Variants in TAGAP observed in about 807,000 individuals in gnomAD.
The protein encoded by TAGAP is T-cell activation Rho GTPase-activating protein.
Under a neutral mutation model 36.0 loss-of-function variants are expected in TAGAP, and 16 were observed. The ratio of observed to expected loss-of-function variants is 0.44; its 90% CI spans 0.30 to 0.68. The LOEUF (loss-of-function observed/expected upper bound fraction) is 0.68. Among genes scored for constraint, TAGAP ranks in the 30% least tolerant of loss-of-function variants. The pLI, the probability that TAGAP is intolerant of heterozygous loss-of-function variation, is 0.09. For synonymous variants in TAGAP, 372 were observed against 377.4 expected, an observed-to-expected ratio of 0.99 and a Z score of 0.17; for missense variants, 794 against 921.5, an observed-to-expected ratio of 0.86 and a Z score of 1.79.
chr6:159,040,430 A>G (rs1270311916), intron 7 of TAGAP, among the ~76,000 whole-genome samples: 2 of 152,150 alleles, frequency 1.3e-5, no homozygotes, highest in Non-Finnish European at 2.9e-5. Flanking sequence ...ATTTTATCTC[A>G]TACCTTTTTG....
chr6:159,041,268 G>A lies in TAGAP; in HGVS notation c.477+86C>T. 1 of 1,513,650 alleles carries A rather than the reference G, an allele frequency of 6.6e-7. No homozygotes were observed. The highest frequency in any genetic ancestry group is 2.0e-5 in the Admixed American group (1 of 51,156). The allele number at this position is 1,513,650 out of a possible 1,614,324, so 93.8% of individuals were successfully genotyped here. ...CAAGATCAGTGTACCTTGCTGTGTG[G>A]GGAGAAGAGCCTATTTCTTGCATCC... On this transcript the variant is annotated intron_variant, in intron 6 of 9. Transcript: ENST00000367066. The surrounding 1 kb of genome is among the most constrained non-coding windows in gnomAD (Gnocchi z 4.1).
intron 7 of TAGAP, among the ~76,000 whole-genome samples, chr6:159,040,488 T>C (rs1413123158): frequency 6.6e-6 from 1 of 152,228 alleles, no homozygotes; most frequent in African/African-American, 2.4e-5. Flanking sequence ...TTTGTGAGGA[T>C]TGAAGTTCGC....
intron 4 of TAGAP, chr6:159,043,076 A>G (rs1315223731): frequency 1.3e-5 from 2 of 154,092 alleles, no homozygotes; most frequent in Admixed American, 6.4e-5. Context: ...GTTTCTATAC[A>G]TTTCAGATTG....
At position 159,043,591 on chromosome 6, in the gene TAGAP, A is replaced by G. The variant is rs1412715729; in HGVS notation, c.146T>C (p.Ile49Thr). ...ATCGGTATGTTTTTAAAACTCACCA[A>G]TGAGCTGGCAAATACTGTCTTCACT... ...CESEDSICQL[I>T]EVKKRKKVLS... The change falls in exon 4 of 10, where the codon ATT (isoleucine) becomes ACT (threonine). Residue 49 changes from isoleucine to threonine, a missense_variant and splice_region_variant. Transcript: ENST00000367066. 5.6e-6 allele frequency: 9 copies of G among 1,613,960 alleles called. No individual in the cohort carries two copies. The highest frequency in any genetic ancestry group is 7.6e-6 in the Non-Finnish European group (9 of 1,179,922).
rs1779756343 is a variant in TAGAP at position 159,041,642 on chromosome 6, AC to A, written c.316-128del. 9.1e-7 allele frequency: 1 copy of A among 1,098,530 alleles called. No individual in the cohort carries two copies. The allele number at this position is 1,098,530 out of a possible 1,614,324, so 68.0% of individuals were successfully genotyped here. ...CAGTTGCTGTCAATGGCCTTCCTCA[AC>A]CCTGCTATTTTTCTAAGAGGAGGCA... is the stretch of plus-strand genomic sequence containing the variant. On this transcript the variant is annotated intron_variant, in intron 5 of 9. Coordinates refer to ENST00000367066, the MANE Select transcript of TAGAP (RefSeq NM_054114.5). This position sits in a 1 kb window ranked among gnomAD's most constrained non-coding sequence, Gnocchi z 4.1.
chr6:159,036,549 T>C lies in TAGAP; in HGVS notation c.1474A>G (p.Thr492Ala). The C allele has an allele frequency of 6.2e-7, 1 of 1,614,162 alleles. No individual in the cohort carries two copies. The highest frequency in any genetic ancestry group is 8.5e-7 in the Non-Finnish European group (1 of 1,180,024). ...GGCTTGCCTTTCTCTGTCTTTGTGGTGAAAGACTGATGTCTGCTGAAGAAA... is the reference window on the plus strand; with the variant it reads ...GGCTTGCCTTTCTCTGTCTTTGTGGCGAAAGACTGATGTCTGCTGAAGAAA... ...RNFFSRHQSF[T>A]TKTEKGKPSR... The change falls in exon 10 of 10, where the codon ACC becomes GCC. Residue 492 changes from threonine to alanine, a missense_variant. Transcript: ENST00000367066. This position sits in a 1 kb window ranked among gnomAD's most constrained non-coding sequence, Gnocchi z 4.9.
At chr6:159,044,464 C>T (rs1022298104) in intron 1 of TAGAP, among the ~76,000 whole-genome samples, 27 of 152,248 alleles carry the variant, frequency 1.8e-4, no homozygotes, top group African/African-American at 6.5e-4. Flanking sequence ...ACTATCTTTA[C>T]CACTCTAAAC....
chr6:159,043,527 G>C, intron 4 of TAGAP, 62 bp downstream of exon 4: 1 of 1,520,270 alleles, frequency 6.6e-7, no homozygotes, highest in Non-Finnish European at 9.1e-7. Context: ...CTGTGGTTTT[G>C]CAAACCAAGA....
In TAGAP at chr6:159,040,779, C is replaced by T. The variant is rs1410446589; in HGVS notation, c.531G>A (p.Glu177=). The T allele has an allele frequency of 8.1e-6, 13 of 1,614,084 alleles. No homozygotes were observed. The highest frequency in any genetic ancestry group is 1.1e-5 in the Non-Finnish European group (13 of 1,180,026). ...RKLLSSDLFE[E]WMGALEMQDE... is the part of the protein sequence containing the mutation. Reference sequence around the variant, plus strand: ...CCTGCATCTCCAGAGCACCCATCCACTCCTCAAAGAGGTCGCTTGAAAGTA... The same window carrying T: ...CCTGCATCTCCAGAGCACCCATCCATTCCTCAAAGAGGTCGCTTGAAAGTA... The change falls in exon 7 of 10, where the codon GAG becomes GAA. Residue 177 remains glutamate (E), a synonymous_variant. Transcript: ENST00000367066.
Position 159,038,170 on chromosome 6 carries a change from A to G in TAGAP, c.842T>C (p.Ile281Thr). Residue 281 changes from isoleucine to threonine, a missense_variant, in exon 9 of 10, where the codon ATT (isoleucine) becomes ACT (threonine). By Grantham distance (89) the Ile-to-Thr change is moderately conservative. Transcript: ENST00000367066. ...AGAAGTGATACTGGAATGCACTGGA[A>G]TGTTCTCCCCAAATATTTCAAAGCA... is the stretch of plus-strand genomic sequence containing the variant. ...DNCFEIFGEN[I>T]PVHSSITSDD... The G allele has an allele frequency of 1.9e-6, 3 of 1,613,322 alleles. No individual in the cohort carries two copies. Among genetic ancestry groups the G allele is most frequent in the Non-Finnish European group, 2.5e-6 (3 of 1,179,544 alleles).
chr6:159,040,915 G>C (rs774909005), intron 6 of TAGAP, 83 bp from the exon 7 acceptor site: 4 of 1,043,372 alleles, frequency 3.8e-6, no homozygotes, highest in Non-Finnish European at 5.9e-6. Context: ...TCGTTCCATC[G>C]CAGGGTGCTC....
intron 4 of TAGAP, 149 bp downstream of exon 4, chr6:159,043,440 C>T (rs952921733): frequency 1.4e-6 from 1 of 702,270 alleles, no homozygotes; most frequent in Non-Finnish European, 2.5e-6. Context: ...TGGAGCATAC[C>T]TGCCATTTAA....
chr6:159,035,219 T>A lies in TAGAP; in HGVS notation c.*608A>T, dbSNP rs1187331114. ...TTGAAAGGACACGTTGAAGTGTTTT[T>A]CATGATTTTTGCTACGGCCCCAGCT... On this transcript the variant is annotated 3_prime_UTR_variant, in exon 10 of 10. Coordinates refer to ENST00000367066, the MANE Select transcript of TAGAP (RefSeq NM_054114.5). The A allele has an allele frequency of 6.6e-6, 1 of 152,358 alleles. No individual in the cohort carries two copies. The highest frequency in any genetic ancestry group is 2.4e-5 in the African/African-American group (1 of 41,454). 9.4% of individuals were successfully genotyped at this position (152,358 alleles called of 1,614,324 possible). A position where few individuals can be genotyped will look rare whatever the true frequency, so the allele number is the denominator to read the frequency against.
At chr6:159,038,959 A>G in intron 8 of TAGAP, 155 bp downstream of exon 8, 3 of 1,481,154 alleles carry the variant, frequency 2.0e-6, no homozygotes, top group Non-Finnish European at 2.7e-6. Context: ...CATGTATCTG[A>G]GAGAGTGGAA....
chr6:159,039,290 G>T lies in TAGAP; in HGVS notation c.607C>A (p.Arg203=). The change falls in exon 8 of 10, where the codon CGG becomes AGG. Residue 203 remains arginine, a synonymous_variant. Coordinates refer to ENST00000367066, the MANE Select transcript of TAGAP (RefSeq NM_054114.5). ...ALKQVADKLP[R]PNLLLLKHLV... ...TGCTTGAGTAGCAGGAGGTTGGGCCGGGGGAGCTTATCTGCAACCCTGGAA... is the reference window on the plus strand; with the variant it reads ...TGCTTGAGTAGCAGGAGGTTGGGCCTGGGGAGCTTATCTGCAACCCTGGAA... 1 of 1,612,954 alleles carries T rather than the reference G, an allele frequency of 6.2e-7. No individual in the cohort carries two copies. Among genetic ancestry groups the T allele is most frequent in the Non-Finnish European group, 8.5e-7 (1 of 1,179,728 alleles).
Position 159,041,105 on chromosome 6 carries a change from C to T in TAGAP, c.477+249G>A, listed in dbSNP as rs932452054. On this transcript the variant is annotated intron_variant, in intron 6 of 9. Transcript: ENST00000367066. This position sits in a 1 kb window ranked among gnomAD's most constrained non-coding sequence, Gnocchi z 4.1. The stretch of plus-strand genomic sequence containing the variant: ...GGATTTTGACGTATGGATTCTGCCA[C>T]GGAACAATCAAATTGCCCGTACTTG... 2.3e-5 allele frequency: 14 copies of T among 596,072 alleles called. No homozygotes were observed. The highest frequency in any genetic ancestry group is 1.4e-4 in the South Asian group (6 of 43,664). 36.9% of individuals were successfully genotyped at this position (596,072 alleles called of 1,614,324 possible).
In TAGAP at chr6:159,041,498, T is replaced by G. The variant is rs764659724; in HGVS notation, c.333A>C (p.Leu111=). ...CTTCCGTTGAAGGGCCTTTAAGGCA[T>G]AGAATAGTGAGAATGTCCTAAAGGA... ...PRPIQDILTI[L]CLKGPSTEGI... Residue 111 remains leucine, a synonymous_variant, in exon 6 of 10, where the codon CTA becomes CTC. Coordinates refer to ENST00000367066, the MANE Select transcript of TAGAP (RefSeq NM_054114.5). The surrounding 1 kb of genome is among the most constrained non-coding windows in gnomAD (Gnocchi z 4.1). The G allele has an allele frequency of 6.2e-7, 1 of 1,613,956 alleles. No homozygotes were observed. The highest frequency in any genetic ancestry group is 1.1e-5 in the South Asian group (1 of 91,074).
Position 159,041,865 on chromosome 6 carries a change from T to G in TAGAP, c.315+213A>C. 1.6e-6 allele frequency: 1 copy of G among 608,630 alleles called. No homozygotes were observed. Among genetic ancestry groups the G allele is most frequent in the Non-Finnish European group, 2.8e-6 (1 of 352,368 alleles). The allele number at this position is 608,630 out of a possible 1,614,324, so 37.7% of individuals were successfully genotyped here. A position where few individuals can be genotyped will look rare whatever the true frequency, so the allele number is the denominator to read the frequency against. On this transcript the variant is annotated intron_variant, in intron 5 of 9. Transcript: ENST00000367066. This position sits in a 1 kb window ranked among gnomAD's most constrained non-coding sequence, Gnocchi z 4.1. ...GAATGGCGGGACCATAGCTCTGAGC[T>G]CATTGGCAAATACAACTAATTTCAA... is the stretch of plus-strand genomic sequence containing the variant.
chr6:159,036,676 C>G lies in TAGAP; in HGVS notation c.1347G>C (p.Ser449=), dbSNP rs373022207. 1.2e-6 allele frequency: 2 copies of G among 1,613,946 alleles called. No individual in the cohort carries two copies. The highest frequency in any genetic ancestry group is 1.7e-6 in the Non-Finnish European group (2 of 1,179,850). The part of the protein sequence containing the change: ...DLKIKNLAPG[S]VLPRALVLKA... ...TGAGAACCAGTGCCCGCGGGAGCAC[C>G]GAACCCGGGGCCAAGTTCTTGATCT... is the stretch of plus-strand genomic sequence containing the variant. Residue 449 remains serine (S), a synonymous_variant, in exon 10 of 10, where the codon TCG becomes TCC. Coordinates refer to ENST00000367066, the MANE Select transcript of TAGAP (RefSeq NM_054114.5). This position sits in a 1 kb window ranked among gnomAD's most constrained non-coding sequence, Gnocchi z 4.9.
Sources: allele counts gnomAD v4.1 joint callset (sites outside exome capture counted in the v4.1 genomes callset), GRCh38; gene constraint gnomAD v4.1.1; non-coding constraint Gnocchi (gnomAD v3.1); transcripts MANE v1.5; gene names NCBI Gene and HGNC (gene_info 2026-07-23, HGNC 2026-07-21).